Variants in ADAM19 observed in about 807,000 individuals in gnomAD.
The protein encoded by ADAM19 is ADAM metallopeptidase domain 19, also known as disintegrin and metalloproteinase domain-containing protein 19.
Under a neutral mutation model 114.7 loss-of-function variants are expected in ADAM19, and 65 were observed. The observed-to-expected ratio is 0.57, with a 90% CI of 0.46 to 0.70. ADAM19 has a LOEUF of 0.70. Among genes scored for constraint, ADAM19 ranks in the 30% least tolerant of loss-of-function variants. ADAM19 has a pLI of 0.00. For missense variants in ADAM19, 1,063 were observed against 1,204.7 expected (o/e 0.88, Z 1.74); for synonymous variants, 466 against 460.5 (o/e 1.01, Z -0.15).
chr5:157,545,681 C>G (rs560113444), intron 3 of ADAM19, among the ~76,000 whole-genome samples: 212 of 152,216 alleles, frequency 1.4e-3, no homozygotes, highest in African/African-American at 4.6e-3. Context: ...AAAGCAAAAG[C>G]AACTTGCCCA....
At chr5:157,496,746 T>C (rs1416492356) in intron 14 of ADAM19, 148 bp downstream of exon 14, 5 of 649,524 alleles carry the variant, frequency 7.7e-6, no homozygotes, top group Non-Finnish European at 9.8e-6. Context: ...TGGTTCTCCC[T>C]GAACATCTAC....
rs1754713425 is a variant in ADAM19 at position 157,480,516 on chromosome 5, G to T, written c.*433C>A. The T allele has an allele frequency of 1.0e-6, 1 of 999,876 alleles. No homozygotes were observed. The highest frequency in any genetic ancestry group is 4.4e-5 in the South Asian group (1 of 22,620). The allele number at this position is 999,876 out of a possible 1,614,324, so 61.9% of individuals were successfully genotyped here. ...AAGTACCAGCCTCCATCCAGCCCGG[G>T]ACCTCTGAGGAGAGCAGAAGCAATG... On this transcript the variant is annotated 3_prime_UTR_variant, in exon 23 of 23. Coordinates refer to ENST00000257527, the MANE Select transcript of ADAM19 (RefSeq NM_033274.5).
At chr5:157,496,095 A>AT (rs879868308) in intron 14 of ADAM19, among the ~76,000 whole-genome samples, 1 of 151,870 alleles carries the variant, frequency 6.6e-6, no homozygotes, top group Non-Finnish European at 1.5e-5. Context: ...GCAAGCCACC[A>AT]TATCAGCCAC....
At chr5:157,494,463 A>C (rs1265013015) in intron 15 of ADAM19, among the ~76,000 whole-genome samples, 1 of 152,196 alleles carries the variant, frequency 6.6e-6, no homozygotes, top group Non-Finnish European at 1.5e-5. Flanking sequence ...AGGAAGCCCG[A>C]TCAGCTTTCT....
intron 5 of ADAM19, among the ~76,000 whole-genome samples, chr5:157,525,493 GTTAAT>G (rs1756427356): frequency 6.6e-6 from 1 of 152,202 alleles, no homozygotes; most frequent in African/African-American, 2.4e-5. Context: ...CACCTAGCCA[GTTAAT>G]GTGAGAGCCG....
intron 8 of ADAM19, among the ~76,000 whole-genome samples, chr5:157,510,537 C>T (rs1324694633): frequency 2.6e-5 from 4 of 152,200 alleles, no homozygotes; most frequent in South Asian, 2.1e-4. Context: ...TTCATCACAT[C>T]GGTGAGATCC....
chr5:157,516,808 G>A (rs1336826313), intron 7 of ADAM19, among the ~76,000 whole-genome samples: 2 of 152,142 alleles, frequency 1.3e-5, no homozygotes, highest in Non-Finnish European at 1.5e-5. Context: ...GCAGGCCAGA[G>A]TCAGTTATCT....
chr5:157,569,646 C>CAAG (rs1007917780), intron 2 of ADAM19, among the ~76,000 whole-genome samples: 3 of 152,082 alleles, frequency 2.0e-5, no homozygotes, highest in African/African-American at 7.2e-5. Context: ...GCCAGAGTTT[C>CAAG]AAGGATCCTG....
intron 5 of ADAM19, among the ~76,000 whole-genome samples, chr5:157,528,610 T>C (rs1756538983): frequency 6.6e-6 from 1 of 152,174 alleles, no homozygotes; most frequent in Non-Finnish European, 1.5e-5. Context: ...TCCTGCCTGA[T>C]TTCCTCCAGC....
chr5:157,530,836 G>T lies in ADAM19; in HGVS notation c.378C>A (p.Ser126Arg). 1 of 1,614,162 alleles carries T rather than the reference G, an allele frequency of 6.2e-7. No homozygotes were observed. The highest frequency in any genetic ancestry group is 8.5e-7 in the Non-Finnish European group (1 of 1,180,026). The change falls in exon 5 of 23, where the codon AGC becomes AGA. Residue 126 changes from serine to arginine, a missense_variant. Coordinates refer to ENST00000257527, the MANE Select transcript of ADAM19 (RefSeq NM_033274.5). ...TTCCTCGGCAAGTGCTGAGCGTGAC[G>T]CTGGACAGTTCTGTCTCCCTCACCG... ...HGTVRETELS[S>R]VTLSTCRGIR... is the part of the protein sequence containing the mutation.
At chr5:157,529,177 G>A (rs532662856) in intron 5 of ADAM19, among the ~76,000 whole-genome samples, 1 of 152,294 alleles carries the variant, frequency 6.6e-6, no homozygotes, top group African/African-American at 2.4e-5. Context: ...GGGCTGAAGT[G>A]TCTCACACTG....
At chr5:157,532,449 G>A (rs1278698887) in intron 4 of ADAM19, among the ~76,000 whole-genome samples, 1 of 152,254 alleles carries the variant, frequency 6.6e-6, no homozygotes, top group Non-Finnish European at 1.5e-5. Context: ...ATGCTAAAGT[G>A]CTAAACCAGA....
At chr5:157,497,843 C>A (rs1257323985) in intron 13 of ADAM19, among the ~76,000 whole-genome samples, 2 of 152,220 alleles carry the variant, frequency 1.3e-5, no homozygotes, top group Non-Finnish European at 2.9e-5. Context: ...GTTACTAATA[C>A]TCTTTCCATT....
At chr5:157,491,034 G>A (rs535712914) in intron 18 of ADAM19, among the ~76,000 whole-genome samples, 2 of 151,916 alleles carry the variant, frequency 1.3e-5, no homozygotes, top group South Asian at 4.2e-4. Context: ...TATAGAGAAC[G>A]TATTTGTACT....
In ADAM19 at chr5:157,509,434, C is replaced by G; in HGVS notation, c.772G>C (p.Val258Leu). ...CCGTGGGTCCACACTTCCAAGCCCA[C>G]GAGAGCAATCCGGATGTTCAAGGAT... The part of the protein sequence containing the change: ...YRSLNIRIAL[V>L]GLEVWTHGNM... Residue 258 changes from valine (V) to leucine (L), a missense_variant, in exon 9 of 23, where the codon GTG becomes CTG. Val to Leu is a conservative substitution (Grantham distance 32). Coordinates refer to ENST00000257527, the MANE Select transcript of ADAM19 (RefSeq NM_033274.5). The G allele has an allele frequency of 6.2e-7, 1 of 1,608,790 alleles. No individual in the cohort carries two copies. Among genetic ancestry groups the G allele is most frequent in the Non-Finnish European group, 8.5e-7 (1 of 1,177,072 alleles).
chr5:157,518,944 A>T (rs1388875493), intron 6 of ADAM19, 56 bp from the exon 7 acceptor site: 6 of 1,444,304 alleles, frequency 4.2e-6, no homozygotes, highest in East Asian at 4.5e-5. Flanking sequence ...CCTCATTTTT[A>T]AAAAACTGCT....
intron 14 of ADAM19, 65 bp from the exon 15 acceptor site, chr5:157,494,860 CTT>C: frequency 7.4e-7 from 1 of 1,342,894 alleles, no homozygotes; most frequent in Non-Finnish European, 1.1e-6. Context: ...GCAAAGGTAT[CTT>C]TGGTAAAGTC....
chr5:157,539,056 G>A (rs1440352155), intron 3 of ADAM19, among the ~76,000 whole-genome samples: 1 of 151,780 alleles, frequency 6.6e-6, no homozygotes, highest in East Asian at 1.9e-4. Flanking sequence ...GGGAGGCTGA[G>A]GCAGGAGAAC....
chr5:157,561,471 C>G (rs192754344), intron 3 of ADAM19, among the ~76,000 whole-genome samples: 37 of 152,302 alleles, frequency 2.4e-4, no homozygotes, highest in African/African-American at 8.2e-4. Flanking sequence ...CTCCCTCCCC[C>G]CAGAGTCCCA....
Sources: gnomAD v4.1 joint callset for allele counts (sites outside exome capture counted in the v4.1 genomes callset) on GRCh38, gnomAD v4.1.1 for gene constraint, MANE v1.5 for transcripts, NCBI Gene and HGNC (gene_info 2026-07-23, HGNC 2026-07-21) for gene names.